Variants in GREM2 observed in about 807,000 individuals in gnomAD.
The protein encoded by GREM2 is gremlin 2, DAN family BMP antagonist, also known as gremlin-2.
GREM2 carries 11 observed loss-of-function variants against 14.2 expected under a neutral mutation model. The ratio of observed to expected loss-of-function variants is 0.78; its 90% CI spans 0.49 to 1.28. GREM2 has a LOEUF of 1.28. GREM2 is among the 50% of genes most tolerant of loss of function. The pLI is 0.00. For missense variants in GREM2, 210 were observed against 218.5 expected (o/e 0.96, Z 0.24); for synonymous variants, 98 against 97.6 (o/e 1.00, Z -0.02).
At chr1:240,500,466 T>A (rs78596873) in intron 1 of GREM2, among the ~76,000 whole-genome samples, 2 of 146,752 alleles carry the variant, frequency 1.4e-5, no homozygotes, top group African/African-American at 5.0e-5. Flanking sequence ...ACCTGGCTAA[T>A]TTTTTTTTTT....
chr1:240,542,902 C>G lies in GREM2; in HGVS notation c.-1-49426G>C, dbSNP rs1678624782. Reference sequence around the variant, plus strand: ...TGAAGATTCTTGGAAAATTATTGATCCTCTCTGAGAAAGAAAGAGCTCTCT... The same window carrying G: ...TGAAGATTCTTGGAAAATTATTGATGCTCTCTGAGAAAGAAAGAGCTCTCT... On this transcript the variant is annotated intron_variant, in intron 1 of 1. Coordinates refer to ENST00000318160, the MANE Select transcript of GREM2 (RefSeq NM_022469.4). This position sits in a 1 kb window ranked among gnomAD's most constrained non-coding sequence, Gnocchi z 4.1. 6.6e-6 allele frequency among the ~76,000 whole-genome samples: 1 copy of G among 152,150 alleles called. No individual in the cohort carries two copies. Among genetic ancestry groups the G allele is most frequent in the African/African-American group, 2.4e-5 (1 of 41,434 alleles).
intron 1 of GREM2, among the ~76,000 whole-genome samples, chr1:240,526,128 T>C (rs1338598655): frequency 6.6e-6 from 1 of 152,092 alleles, no homozygotes; most frequent in Non-Finnish European, 1.5e-5. Flanking sequence ...CTGAATCATA[T>C]CTACAAAGTC....
chr1:240,606,625 T>C (rs945407442), intron 1 of GREM2, among the ~76,000 whole-genome samples: 5 of 152,040 alleles, frequency 3.3e-5, no homozygotes, highest in Non-Finnish European at 7.3e-5. Context: ...TGTAAGTGAA[T>C]GAAGGCACAA....
chr1:240,510,299 G>A (rs1222467431), intron 1 of GREM2, among the ~76,000 whole-genome samples: 1 of 150,548 alleles, frequency 6.6e-6, no homozygotes, highest in African/African-American at 2.4e-5. Context: ...GAACCGGGGA[G>A]GCGGAGCTTG....
chr1:240,501,483 A>G (rs1363510570), intron 1 of GREM2, among the ~76,000 whole-genome samples: 1 of 152,250 alleles, frequency 6.6e-6, no homozygotes, highest in Admixed American at 6.5e-5. Context: ...CAGCAAATGC[A>G]TCATTAGGGA....
At chr1:240,534,066 C>G (rs1678421243) in intron 1 of GREM2, among the ~76,000 whole-genome samples, 1 of 152,102 alleles carries the variant, frequency 6.6e-6, no homozygotes, top group African/African-American at 2.4e-5. Flanking sequence ...TATGAATGGG[C>G]TAGTCCTGAA....
chr1:240,548,470 T>C (rs1678781168), intron 1 of GREM2, among the ~76,000 whole-genome samples: 1 of 152,172 alleles, frequency 6.6e-6, no homozygotes, highest in South Asian at 2.1e-4. Flanking sequence ...TAAGTATATA[T>C]TGTATTACAT....
chr1:240,604,960 C>T (rs1256674755), intron 1 of GREM2, among the ~76,000 whole-genome samples: 2 of 152,230 alleles, frequency 1.3e-5, no homozygotes, highest in Non-Finnish European at 2.9e-5. Context: ...TAGCCTGTTC[C>T]TCTTCCTTAT....
Position 240,557,444 on chromosome 1 carries a change from T to C in GREM2, c.-2+54440A>G, listed in dbSNP as rs1411029598. On this transcript the variant is annotated intron_variant, in intron 1 of 1. Coordinates refer to ENST00000318160, the MANE Select transcript of GREM2 (RefSeq NM_022469.4). The stretch of plus-strand genomic sequence containing the variant: ...AAGAAAACAACCACCAAAATAGTTT[T>C]TGTACAAAGAACCAAGAATGAAAAC... Among the ~76,000 whole-genome samples, 4 of 152,042 alleles carry C rather than the reference T, an allele frequency of 2.6e-5. No individual in the cohort carries two copies. The South Asian group carries it at 6.2e-4, about 24-fold the overall frequency.
At chr1:240,576,316 T>G (rs1358797378) in intron 1 of GREM2, among the ~76,000 whole-genome samples, 1 of 152,204 alleles carries the variant, frequency 6.6e-6, no homozygotes, top group African/African-American at 2.4e-5. Context: ...TCCTCTCAAA[T>G]GTAGTCTCTT....
At chr1:240,557,790 G>A (rs1306504651) in intron 1 of GREM2, among the ~76,000 whole-genome samples, 2 of 152,014 alleles carry the variant, frequency 1.3e-5, no homozygotes, top group Non-Finnish European at 2.9e-5. Flanking sequence ...CTACCACCGA[G>A]CTGCCTGGAG....
At position 240,493,014 on chromosome 1, in the gene GREM2, C is replaced by A. The variant is rs765941270; in HGVS notation, c.462G>T (p.Gln154His). 6.3e-7 allele frequency: 1 copy of A among 1,585,068 alleles called. No individual in the cohort carries two copies. The highest frequency in any genetic ancestry group is 8.6e-7 in the Non-Finnish European group (1 of 1,161,486). ...FRLKKIQKVK[Q>H]CRCMSVNLSD... ...TCAGGTTCACGGACATGCACCGGCACTGCTTCACCTTCTGGATTTTCTTGA... is the reference window on the plus strand; with the variant it reads ...TCAGGTTCACGGACATGCACCGGCAATGCTTCACCTTCTGGATTTTCTTGA... Residue 154 changes from glutamine to histidine, a missense_variant, in exon 2 of 2, where the codon CAG becomes CAT. Coordinates refer to ENST00000318160, the MANE Select transcript of GREM2 (RefSeq NM_022469.4).
intron 1 of GREM2, among the ~76,000 whole-genome samples, chr1:240,595,033 G>A (rs967991798): frequency 2.6e-5 from 4 of 152,152 alleles, no homozygotes; most frequent in South Asian, 2.1e-4. Flanking sequence ...TGTGGCACAC[G>A]ACTGTATAAT....
chr1:240,510,469 G>GT (rs940528966), intron 1 of GREM2, among the ~76,000 whole-genome samples: 7 of 150,156 alleles, frequency 4.7e-5, no homozygotes, highest in African/African-American at 1.5e-4. Flanking sequence ...GGGGCTGGGG[G>GT]TGGAGGGGAA....
chr1:240,575,682 A>G (rs1011282602), intron 1 of GREM2, among the ~76,000 whole-genome samples: 9 of 151,906 alleles, frequency 5.9e-5, no homozygotes, highest in African/African-American at 2.2e-4. Context: ...CACCACGCCC[A>G]GCTAATTTCT....
Position 240,592,979 on chromosome 1 carries a change from CAA to C in GREM2, c.-2+18903_-2+18904del, listed in dbSNP as rs59141248. Among the ~76,000 whole-genome samples, 313 of 131,398 alleles carry C rather than the reference CAA, an allele frequency of 2.4e-3. 2 individuals carry two copies. Among genetic ancestry groups the C allele is most frequent in the Middle Eastern group, 7.8e-3 (2 of 258 alleles). 86.2% of individuals were successfully genotyped at this position (131,398 alleles called of 152,430 possible). ...TGAAACCCCGTCTCTATTAAAACTACAAAAAAAAAAAAAAAATTAGCCGGCAT... is the reference window on the plus strand; with the variant it reads ...TGAAACCCCGTCTCTATTAAAACTACAAAAAAAAAAAAAATTAGCCGGCAT... On this transcript the variant is annotated intron_variant, in intron 1 of 1. Coordinates refer to ENST00000318160, the MANE Select transcript of GREM2 (RefSeq NM_022469.4).
chr1:240,533,091 A>C (rs1427930369), intron 1 of GREM2, among the ~76,000 whole-genome samples: 1 of 152,236 alleles, frequency 6.6e-6, no homozygotes, highest in African/African-American at 2.4e-5. Flanking sequence ...GGAGTTGGAC[A>C]GGAAAAGGAA....
intron 1 of GREM2, among the ~76,000 whole-genome samples, chr1:240,497,266 C>A (rs1408731937): frequency 6.6e-6 from 1 of 152,016 alleles, no homozygotes. Context: ...AATTAAATTT[C>A]TTTTTAATTT....
At chr1:240,595,373 G>T (rs976655871) in intron 1 of GREM2, among the ~76,000 whole-genome samples, 4 of 152,054 alleles carry the variant, frequency 2.6e-5, no homozygotes, top group African/African-American at 9.7e-5. Flanking sequence ...ACCTCCCAGG[G>T]CTCCTTTTCT....
Sources: allele counts gnomAD v4.1 joint callset (sites outside exome capture counted in the v4.1 genomes callset), GRCh38; gene constraint gnomAD v4.1.1; non-coding constraint Gnocchi (gnomAD v3.1); transcripts MANE v1.5; gene names NCBI Gene and HGNC (gene_info 2026-07-23, HGNC 2026-07-21).